FGF14: variants seen among roughly 807,000 people sequenced by gnomAD.
FGF14 encodes fibroblast growth factor 14.
Under a neutral mutation model 25.5 loss-of-function variants are expected in FGF14, and 5 were observed. The ratio of observed to expected loss-of-function variants is 0.20; its 90% CI spans 0.10 to 0.41. The LOEUF (loss-of-function observed/expected upper bound fraction) is 0.41. Among genes scored for constraint, FGF14 ranks in the 10% least tolerant of loss-of-function variants. The pLI is 1.00. For missense variants in FGF14, 222 were observed against 320.1 expected, an observed-to-expected ratio of 0.69 and a Z score of 2.34; for synonymous variants, 138 against 118.3, an observed-to-expected ratio of 1.17 and a Z score of -1.08.
intron 1 of FGF14, among the ~76,000 whole-genome samples, chr13:102,325,865 T>C (rs1297462410): frequency 6.6e-6 from 1 of 152,216 alleles, no homozygotes; most frequent in Non-Finnish European, 1.5e-5. Context: ...TGGTGTACTC[T>C]GGTGAATATA....
At chr13:102,155,803 G>A (rs2047306213) in intron 1 of FGF14, among the ~76,000 whole-genome samples, 1 of 151,792 alleles carries the variant, frequency 6.6e-6, no homozygotes, top group African/African-American at 2.4e-5. Flanking sequence ...TCAAATAGAT[G>A]CAATAAAAAA....
chr13:102,319,262 G>A (rs949290678), intron 1 of FGF14, among the ~76,000 whole-genome samples: 3 of 152,202 alleles, frequency 2.0e-5, no homozygotes, highest in African/African-American at 7.2e-5. Context: ...AATTACATAT[G>A]CAAATGATGG....
At chr13:102,041,310 T>C (rs1456576665) in intron 1 of FGF14, among the ~76,000 whole-genome samples, 2 of 152,122 alleles carry the variant, frequency 1.3e-5, no homozygotes, top group African/African-American at 4.8e-5. Context: ...GTAAACTATA[T>C]GTTGTAAAGT....
intron 1 of FGF14, among the ~76,000 whole-genome samples, chr13:102,033,569 T>C (rs2041321916): frequency 6.6e-6 from 1 of 152,110 alleles, no homozygotes; most frequent in Non-Finnish European, 1.5e-5. Context: ...AAAAGGCTTA[T>C]ACTCTTAGGC....
intron 1 of FGF14, among the ~76,000 whole-genome samples, chr13:101,911,734 A>G (rs1016257188): frequency 6.6e-6 from 1 of 152,172 alleles, no homozygotes; most frequent in Non-Finnish European, 1.5e-5. Context: ...TTAGAAGACC[A>G]TAATTTGATC....
intron 1 of FGF14, among the ~76,000 whole-genome samples, chr13:102,399,121 GGGGAAAAACT>G (rs1056999878): frequency 3.9e-5 from 6 of 151,972 alleles, no homozygotes; most frequent in Non-Finnish European, 7.4e-5. Context: ...CCTTGGAAGG[GGGGAAAAACT>G]ATTCCAGAGA....
At chr13:102,096,814 A>G (rs976108195) in intron 1 of FGF14, among the ~76,000 whole-genome samples, 2 of 152,220 alleles carry the variant, frequency 1.3e-5, no homozygotes. Flanking sequence ...CAGGAAGAAA[A>G]AGAAACTGGG....
At chr13:101,747,389 CAGAA>C (rs2036959834) in intron 3 of FGF14, among the ~76,000 whole-genome samples, 1 of 151,916 alleles carries the variant, frequency 6.6e-6, no homozygotes, top group Non-Finnish European at 1.5e-5. Context: ...GAAATTTAGA[CAGAA>C]AGAAAAGTTA....
At chr13:102,247,818 A>G (rs1207022236) in intron 1 of FGF14, among the ~76,000 whole-genome samples, 1 of 152,152 alleles carries the variant, frequency 6.6e-6, no homozygotes, top group East Asian at 1.9e-4. Flanking sequence ...TATTCATAAC[A>G]GCAAAGACAT....
At chr13:102,002,517 G>T in intron 1 of FGF14, 1 of 166,742 alleles carries the variant, frequency 6.0e-6, no homozygotes, top group South Asian at 1.7e-4. Flanking sequence ...TGGAAAATCT[G>T]AAGTTAGTTG....
chr13:102,311,213 G>C (rs1178887560), intron 1 of FGF14, among the ~76,000 whole-genome samples: 3 of 152,148 alleles, frequency 2.0e-5, no homozygotes, highest in Admixed American at 6.5e-5. Flanking sequence ...ATTCCTTAGG[G>C]AGAACAAGGA....
chr13:101,931,353 T>C (rs1265988120), intron 1 of FGF14, among the ~76,000 whole-genome samples: 1 of 152,208 alleles, frequency 6.6e-6, no homozygotes, highest in Non-Finnish European at 1.5e-5. Context: ...CTCTTGGTTT[T>C]TCACCAGCAA....
chr13:101,745,228 A>G (rs797002337), intron 3 of FGF14, among the ~76,000 whole-genome samples: 82 of 152,144 alleles, frequency 5.4e-4, no homozygotes, highest in African/African-American at 1.9e-3. Context: ...TTAAATTCAC[A>G]GAAAAATTGA....
intron 1 of FGF14, among the ~76,000 whole-genome samples, chr13:102,082,057 T>C (rs1338211669): frequency 6.6e-6 from 1 of 152,194 alleles, no homozygotes; most frequent in Non-Finnish European, 1.5e-5. Context: ...AATTTACCCA[T>C]TCTGACATTA....
intron 1 of FGF14, among the ~76,000 whole-genome samples, chr13:102,392,095 G>A (rs565883821): frequency 1.5e-4 from 23 of 152,304 alleles, no homozygotes; most frequent in African/African-American, 5.5e-4. Flanking sequence ...CCTTTAAGAT[G>A]CAGCATTACA....
intron 1 of FGF14, among the ~76,000 whole-genome samples, chr13:102,223,957 CTTGAA>C (rs1377155154): frequency 1.2e-4 from 18 of 152,034 alleles, no homozygotes; most frequent in Non-Finnish European, 2.6e-4. Flanking sequence ...GTAATAAGAA[CTTGAA>C]TTGAGTTACA....
chr13:101,818,066 G>A lies in FGF14; in HGVS notation c.408+50659C>T, dbSNP rs112260711. ...AAACTGTATGCAAGACTCTTGGAAG[G>A]TCAAGGTGACTAAGACACAAACCAT... On this transcript the variant is annotated intron_variant, in intron 3 of 4. Transcript: ENST00000376143. Among the ~76,000 whole-genome samples the A allele has an allele frequency of 3.1e-3, 472 of 152,296 alleles. 2 individuals carry two copies. Among genetic ancestry groups the A allele is most frequent in the Non-Finnish European group, 4.5e-3 (306 of 68,022 alleles).
At chr13:101,797,734 G>GATATGT (rs150559894) in intron 3 of FGF14, among the ~76,000 whole-genome samples, 3 of 140,244 alleles carry the variant, frequency 2.1e-5, no homozygotes, top group Non-Finnish European at 4.7e-5. Context: ...GTCATGAATT[G>GATATGT]ATGTGTGTGT....
chr13:101,826,015 A>G, intron 3 of FGF14, among the ~76,000 whole-genome samples: 1 of 152,140 alleles, frequency 6.6e-6, no homozygotes. Flanking sequence ...TATTTGTAAG[A>G]CACATCCTGT....
Sources: allele counts gnomAD v4.1 joint callset (sites outside exome capture counted in the v4.1 genomes callset), GRCh38; gene constraint gnomAD v4.1.1; transcripts MANE v1.5; gene names NCBI Gene and HGNC (gene_info 2026-07-23, HGNC 2026-07-21).